TTC27: variants seen among roughly 807,000 people sequenced by gnomAD.
The protein encoded by TTC27 is tetratricopeptide repeat protein 27.
In TTC27, 79 loss-of-function variants were observed where a neutral mutation model predicts 115.9. That is an observed-to-expected ratio of 0.68 (90% CI 0.57 to 0.82). The LOEUF (loss-of-function observed/expected upper bound fraction) is 0.82. TTC27 is among the 40% of genes least tolerant of loss of function. TTC27 has a pLI of 0.00. For missense variants in TTC27, 1,054 were observed against 993.1 expected (o/e 1.06, Z -0.82); for synonymous variants, 401 against 356.0 (o/e 1.13, Z -1.42).
At chr2:32,737,665 G>A (rs1319961572) in intron 12 of TTC27, among the ~76,000 whole-genome samples, 1 of 152,042 alleles carries the variant, frequency 6.6e-6, no homozygotes, top group Non-Finnish European at 1.5e-5. Flanking sequence ...TCTTTGAATT[G>A]TATTGACTTA....
At chr2:32,644,370 T>C (rs1009218149) in intron 4 of TTC27, among the ~76,000 whole-genome samples, 11 of 151,288 alleles carry the variant, frequency 7.3e-5, no homozygotes, top group African/African-American at 2.7e-4. Flanking sequence ...AAAAAGTATG[T>C]TAAGCATCAT....
chr2:32,681,837 G>A (rs1666435522), intron 9 of TTC27, among the ~76,000 whole-genome samples: 2 of 151,922 alleles, frequency 1.3e-5, no homozygotes, highest in African/African-American at 4.8e-5. Flanking sequence ...CATATGTTGA[G>A]GAGCATTTGT....
intron 4 of TTC27, among the ~76,000 whole-genome samples, chr2:32,644,139 C>T (rs1442753455): frequency 6.7e-6 from 1 of 148,242 alleles, no homozygotes; most frequent in Non-Finnish European, 1.5e-5. Context: ...CGAGATCGTT[C>T]CACTGCACAC....
intron 16 of TTC27, among the ~76,000 whole-genome samples, chr2:32,807,416 A>G (rs1423369049): frequency 6.6e-6 from 1 of 152,058 alleles, no homozygotes; most frequent in Admixed American, 6.6e-5. Flanking sequence ...TAGTTACTAT[A>G]TTGCTGTTAT....
chr2:32,716,857 C>G (rs1055459956), intron 10 of TTC27, among the ~76,000 whole-genome samples: 1 of 151,642 alleles, frequency 6.6e-6, no homozygotes, highest in Non-Finnish European at 1.5e-5. Context: ...CCATGCCAGG[C>G]TAATTTTTAA....
chr2:32,736,988 T>G (rs553405759), intron 12 of TTC27, among the ~76,000 whole-genome samples, 172 bp downstream of exon 12: 1 of 152,372 alleles, frequency 6.6e-6, no homozygotes, highest in South Asian at 2.1e-4. Flanking sequence ...GGGCAGATTT[T>G]TACAAAATTT....
At chr2:32,697,616 TG>T (rs1667030961) in intron 9 of TTC27, among the ~76,000 whole-genome samples, 1 of 152,180 alleles carries the variant, frequency 6.6e-6, no homozygotes, top group Admixed American at 6.5e-5. Context: ...ATTTTGGAGG[TG>T]GTTGGTCAAC....
At chr2:32,804,009 T>C (rs972403496) in intron 16 of TTC27, among the ~76,000 whole-genome samples, 60 of 122,750 alleles carry the variant, frequency 4.9e-4, no homozygotes, top group African/African-American at 1.6e-3. Flanking sequence ...TCCATCTCAA[T>C]TAAAAAAAAA....
At chr2:32,806,131 T>C (rs1461134874) in intron 16 of TTC27, among the ~76,000 whole-genome samples, 1 of 152,224 alleles carries the variant, frequency 6.6e-6, no homozygotes, top group Non-Finnish European at 1.5e-5. Context: ...GAGCCACTTA[T>C]TACATATGTA....
At chr2:32,648,461 A>G (rs983312774) in intron 4 of TTC27, among the ~76,000 whole-genome samples, 8 of 139,554 alleles carry the variant, frequency 5.7e-5, no homozygotes, top group Admixed American at 1.4e-4. Context: ...TTTTTTTAAA[A>G]CAGACTTAGT....
intron 16 of TTC27, among the ~76,000 whole-genome samples, chr2:32,790,083 A>G (rs1670483916): frequency 6.6e-6 from 1 of 151,960 alleles, no homozygotes; most frequent in Non-Finnish European, 1.5e-5. Flanking sequence ...AATTCAGATA[A>G]CGTGATTTAA....
chr2:32,646,792 T>C (rs1664880196), intron 4 of TTC27, among the ~76,000 whole-genome samples: 1 of 151,600 alleles, frequency 6.6e-6, no homozygotes, highest in Non-Finnish European at 1.5e-5. Flanking sequence ...CTTGATCTCC[T>C]GACCTTGTGA....
At chr2:32,759,435 G>A (rs1470588165) in intron 13 of TTC27, among the ~76,000 whole-genome samples, 1 of 152,014 alleles carries the variant, frequency 6.6e-6, no homozygotes, top group East Asian at 1.9e-4. Context: ...AAAAAACATA[G>A]AAAAATTACC....
intron 4 of TTC27, among the ~76,000 whole-genome samples, chr2:32,642,868 T>C (rs542243019): frequency 1.2e-4 from 19 of 152,130 alleles, no homozygotes; most frequent in Non-Finnish European, 2.5e-4. Context: ...GGGTTTCACC[T>C]TGTTGCTCAG....
chr2:32,713,610 G>A (rs1039719180), intron 10 of TTC27, among the ~76,000 whole-genome samples: 1 of 152,132 alleles, frequency 6.6e-6, no homozygotes, highest in Non-Finnish European at 1.5e-5. Context: ...TTCTTCCTTG[G>A]ATTTCCAGGA....
At chr2:32,715,232 C>G (rs1319268802) in intron 10 of TTC27, among the ~76,000 whole-genome samples, 2 of 152,146 alleles carry the variant, frequency 1.3e-5, no homozygotes, top group Non-Finnish European at 2.9e-5. Flanking sequence ...TTTAATCCAT[C>G]TTGAGTTGAT....
rs895225696 is a variant in TTC27, at chr2:32,796,884, G to A, written c.1998+9735G>A. ...TTTTTTTTTCTTTTTTTAAGAGACAGTGTCTCGGCTGGGCACGGTGGCTCA... is the reference window on the plus strand; with the variant it reads ...TTTTTTTTTCTTTTTTTAAGAGACAATGTCTCGGCTGGGCACGGTGGCTCA... On this transcript the variant is annotated intron_variant, in intron 16 of 19. Coordinates refer to ENST00000317907, the MANE Select transcript of TTC27 (RefSeq NM_017735.5). Among the ~76,000 whole-genome samples, 3 of 151,904 alleles carry A rather than the reference G, an allele frequency of 2.0e-5. No homozygotes were observed. In the East Asian group the frequency reaches 5.8e-4, roughly 29 times the overall value.
chr2:32,805,301 G>T (rs1294431938), intron 16 of TTC27, among the ~76,000 whole-genome samples: 1 of 152,224 alleles, frequency 6.6e-6, no homozygotes, highest in Non-Finnish European at 1.5e-5. Flanking sequence ...GGCTATATAT[G>T]TAAGAGGTGT....
intron 13 of TTC27, among the ~76,000 whole-genome samples, chr2:32,763,140 A>C (rs1479243321): frequency 2.0e-5 from 3 of 152,232 alleles, no homozygotes; most frequent in Non-Finnish European, 2.9e-5. Flanking sequence ...GTTATGTGAA[A>C]ATATTTTGGA....
Sources: allele counts gnomAD v4.1 joint callset (sites outside exome capture counted in the v4.1 genomes callset), GRCh38; gene constraint gnomAD v4.1.1; transcripts MANE v1.5; gene names NCBI Gene and HGNC (gene_info 2026-07-23, HGNC 2026-07-21).